The following RANBP10 variants were observed in gnomAD, a reference collection of about 807,000 sequenced individuals.
The protein encoded by RANBP10 is ran-binding protein 10.
RANBP10 carries 24 observed loss-of-function variants against 72.8 expected under a neutral mutation model. That is an observed-to-expected ratio of 0.33 (90% CI 0.24 to 0.46). The LOEUF is 0.46. Ranked by LOEUF, RANBP10 falls within the 20% of genes least tolerant of loss-of-function variation. The probability of loss-of-function intolerance (pLI) is 1.00; values close to 1 mark genes in which losing one functional copy is unlikely to be tolerated. For synonymous variants in RANBP10, 310 were observed against 322.3 expected, an observed-to-expected ratio of 0.96 and a Z score of 0.41; for missense variants, 679 against 817.5, an observed-to-expected ratio of 0.83 and a Z score of 2.07.
intron 12 of RANBP10, 63 bp from the exon 13 acceptor site, chr16:67,727,501 G>A (rs2053628068): frequency 6.7e-7 from 1 of 1,484,780 alleles, no homozygotes; most frequent in Non-Finnish European, 9.2e-7. Flanking sequence ...TGCTACCCGT[G>A]GCTCCAGAGG....
chr16:67,758,193 G>C (rs1289185428), intron 3 of RANBP10, among the ~76,000 whole-genome samples: 1 of 152,228 alleles, frequency 6.6e-6, no homozygotes, highest in Admixed American at 6.5e-5. Context: ...ATAGGACATG[G>C]CTCAGATGGC....
chr16:67,727,290 T>C (rs1160632067), intron 13 of RANBP10, 37 bp downstream of exon 13: 1 of 1,568,946 alleles, frequency 6.4e-7, no homozygotes, highest in African/African-American at 1.4e-5. Flanking sequence ...CAGAGCAGAC[T>C]CTGTCTCTAA....
At chr16:67,765,199 C>CAAAA (rs569942198) in intron 3 of RANBP10, among the ~76,000 whole-genome samples, 2 of 11,642 alleles carry the variant, frequency 1.7e-4, no homozygotes, top group Non-Finnish European at 4.3e-4. Flanking sequence ...GACTCCATCT[C>CAAAA]AAAAAAAAAA....
At position 67,729,375 on chromosome 16, in the gene RANBP10, C is replaced by T. The variant is rs944480438; in HGVS notation, c.1257G>A (p.Ser419=). ...AATTGACGGAGGATGGGGAAGAGGA[C>T]GAGGAGGAGGAGGAGGACGAGGATG... ...SSSSSSSSSS[S]SSSPSSVNYS... Residue 419 remains serine, a synonymous_variant, in exon 10 of 14, where the codon TCG becomes TCA. Transcript: ENST00000317506. The surrounding 1 kb of genome is among the most constrained non-coding windows in gnomAD (Gnocchi z 7.1). 31 of 1,607,816 alleles carry T rather than the reference C, an allele frequency of 1.9e-5. No homozygotes were observed. Among genetic ancestry groups the T allele is most frequent in the African/African-American group, 1.9e-4 (14 of 73,706 alleles).
intron 3 of RANBP10, among the ~76,000 whole-genome samples, chr16:67,767,234 T>C (rs895480283): frequency 6.6e-6 from 1 of 152,044 alleles, no homozygotes; most frequent in Non-Finnish European, 1.5e-5. Flanking sequence ...CCCAGCAGAC[T>C]CTGAACACCT....
Position 67,728,520 on chromosome 16 carries a change from A to AGG in RANBP10, c.1353-11_1353-10dup. ...TCTCCATCTCACTGTCGCTGTGGGGAGGGGTTGAGGTGGGAGTTGGCCCAG... is the reference window on the plus strand; with the variant it reads ...TCTCCATCTCACTGTCGCTGTGGGGAGGGGGGTTGAGGTGGGAGTTGGCCCAG... On this transcript the variant is annotated splice_polypyrimidine_tract_variant and intron_variant, in intron 10 of 13. Transcript: ENST00000317506. 1 of 1,613,612 alleles carries AGG rather than the reference A, an allele frequency of 6.2e-7. No individual in the cohort carries two copies. The highest frequency in any genetic ancestry group is 8.5e-7 in the Non-Finnish European group (1 of 1,179,922).
At chr16:67,775,129 T>C (rs1213046805) in intron 2 of RANBP10, among the ~76,000 whole-genome samples, 1 of 151,706 alleles carries the variant, frequency 6.6e-6, no homozygotes, top group Non-Finnish European at 1.5e-5. Flanking sequence ...CTGGCCAACA[T>C]GGTGAAACAC....
At chr16:67,800,852 G>C (rs1222366074) in intron 2 of RANBP10, among the ~76,000 whole-genome samples, 1 of 152,106 alleles carries the variant, frequency 6.6e-6, no homozygotes, top group Non-Finnish European at 1.5e-5. Flanking sequence ...CGCCTACTGG[G>C]GAACTCCTAC....
chr16:67,794,369 G>A (rs1451051132), intron 2 of RANBP10, among the ~76,000 whole-genome samples: 1 of 151,592 alleles, frequency 6.6e-6, no homozygotes, highest in South Asian at 2.1e-4. Context: ...CTCAGGGGGC[G>A]GAGGTTGGAG....
At chr16:67,748,053 C>T (rs750473363) in intron 3 of RANBP10, among the ~76,000 whole-genome samples, 1 of 150,524 alleles carries the variant, frequency 6.6e-6, no homozygotes, top group Non-Finnish European at 1.5e-5. Flanking sequence ...TCTTGATCTC[C>T]TGACCTCACG....
intron 4 of RANBP10, among the ~76,000 whole-genome samples, chr16:67,742,415 T>C (rs959117143): frequency 3.3e-5 from 5 of 152,178 alleles, no homozygotes; most frequent in African/African-American, 1.2e-4. Context: ...ACAGAAGGTG[T>C]TGACAGGCTG....
At chr16:67,750,761 CTTTTT>C (rs914921755) in intron 3 of RANBP10, among the ~76,000 whole-genome samples, 3 of 110,252 alleles carry the variant, frequency 2.7e-5, no homozygotes, top group Non-Finnish European at 5.4e-5. Flanking sequence ...TTTTCACTTT[CTTTTT>C]TTTTTTTTTT....
At chr16:67,733,534 A>G (rs997516544) in intron 6 of RANBP10, among the ~76,000 whole-genome samples, 5 of 152,196 alleles carry the variant, frequency 3.3e-5, no homozygotes, top group Non-Finnish European at 7.3e-5. Flanking sequence ...CTTGTGACAA[A>G]TTTGTCTCTG....
intron 3 of RANBP10, among the ~76,000 whole-genome samples, chr16:67,760,466 G>A (rs905353791): frequency 4.6e-5 from 7 of 152,160 alleles, no homozygotes; most frequent in Admixed American, 3.9e-4. Flanking sequence ...GCCTCTAACA[G>A]CTCACTCAGA....
chr16:67,794,104 A>C (rs1048632599), intron 2 of RANBP10, among the ~76,000 whole-genome samples: 60 of 152,046 alleles, frequency 3.9e-4, no homozygotes, highest in Non-Finnish European at 7.1e-4. Flanking sequence ...GCTGGTCTTG[A>C]ACCCCTAGGC....
rs1293408355 is a variant in RANBP10, at chr16:67,738,171, C to T, written c.569-136G>A. 6.0e-6 allele frequency: 6 copies of T among 996,630 alleles called. No individual in the cohort carries two copies. The East Asian group carries it at 1.2e-4, about 19-fold the overall frequency. 61.7% of individuals were successfully genotyped at this position (996,630 alleles called of 1,614,324 possible). A position where few individuals can be genotyped will look rare whatever the true frequency, so the allele number is the denominator to read the frequency against. On this transcript the variant is annotated intron_variant, in intron 4 of 13. Coordinates refer to ENST00000317506, the MANE Select transcript of RANBP10 (RefSeq NM_020850.3). Reference sequence around the variant, plus strand: ...GTTGTTGTTTTGAGACAGAGTCTCCCTCCGTAGCCCAGGCTGGAGTGCAGT... The same window carrying T: ...GTTGTTGTTTTGAGACAGAGTCTCCTTCCGTAGCCCAGGCTGGAGTGCAGT...
intron 7 of RANBP10, chr16:67,731,257 T>C (rs1173489522): frequency 2.0e-6 from 1 of 510,654 alleles, no homozygotes; most frequent in Non-Finnish European, 3.6e-6. Context: ...GAATGTGCAT[T>C]AGGGAGGCTG....
chr16:67,744,013 G>A, intron 4 of RANBP10: 1 of 883,592 alleles, frequency 1.1e-6, no homozygotes, highest in Non-Finnish European at 1.4e-6. Context: ...GCCAAACCTT[G>A]CTCCAACAAG....
intron 4 of RANBP10, 168 bp downstream of exon 4, chr16:67,744,117 AGGC>A: frequency 2.2e-6 from 3 of 1,393,376 alleles, no homozygotes; most frequent in Non-Finnish European, 2.8e-6. Flanking sequence ...GGATGAACAA[AGGC>A]GTGCCCCTGC....
Sources: allele counts gnomAD v4.1 joint callset (sites outside exome capture counted in the v4.1 genomes callset), GRCh38; gene constraint gnomAD v4.1.1; non-coding constraint Gnocchi (gnomAD v3.1); transcripts MANE v1.5; gene names NCBI Gene and HGNC (gene_info 2026-07-23, HGNC 2026-07-21).